Variants in CIT observed in about 807,000 individuals in gnomAD.
CIT encodes the protein citron rho-interacting serine/threonine kinase, also known as citron Rho-interacting kinase.
A neutral mutation model predicts 272.7 loss-of-function variants in CIT; 79 were observed. That is an observed-to-expected ratio of 0.29 (90% CI 0.24 to 0.35). The LOEUF (loss-of-function observed/expected upper bound fraction) is 0.35. Ranked by LOEUF, CIT falls within the 10% of genes least tolerant of loss-of-function variation. CIT has a pLI of 1.00. For missense variants in CIT, 1,909 were observed against 2,618.3 expected (o/e 0.73, Z 5.91); for synonymous variants, 948 against 995.6 (o/e 0.95, Z 0.90).
At chr12:119,852,396 T>C (rs1258514338) in intron 4 of CIT, among the ~76,000 whole-genome samples, 1 of 152,160 alleles carries the variant, frequency 6.6e-6, no homozygotes, top group Non-Finnish European at 1.5e-5. Context: ...CGTGTGATCC[T>C]CAACTCGATC....
At chr12:119,759,088 G>A (rs1290190463) in intron 20 of CIT, among the ~76,000 whole-genome samples, 1 of 152,162 alleles carries the variant, frequency 6.6e-6, no homozygotes, top group African/African-American at 2.4e-5. Context: ...GTCATTTTCT[G>A]AGTGATTCCT....
chr12:119,841,988 T>C (rs1278223179), intron 5 of CIT, among the ~76,000 whole-genome samples: 1 of 152,084 alleles, frequency 6.6e-6, no homozygotes, highest in East Asian at 1.9e-4. Flanking sequence ...AAGGAAGTCA[T>C]TGTAAGGTTA....
At position 119,752,194 on chromosome 12, in the gene CIT, C is replaced by T. The variant is rs140592717; in HGVS notation, c.2760G>A (p.Glu920=). The T allele has an allele frequency of 6.8e-6, 11 of 1,611,422 alleles. No homozygotes were observed. The highest frequency in any genetic ancestry group is 1.7e-5 in the Admixed American group (1 of 59,980). Residue 920 remains glutamate, a synonymous_variant, in exon 23 of 48, where the codon GAG becomes GAA. Transcript: ENST00000392521. ...QKLELKRQLT[E]LQLSLQERES... ...CGCGCTCCTGCAGGGAGAGCTGTAG[C>T]TCTGTGAGCTGGCGCTTGAGCTCCA...
rs745319588 is a variant in CIT at position 119,710,906 on chromosome 12, A to G, written c.4855-286T>C. On this transcript the variant is annotated intron_variant, in intron 37 of 47. Transcript: ENST00000392521. This position sits in a 1 kb window ranked among gnomAD's most constrained non-coding sequence, Gnocchi z 5.6. ...AGTAGACATGGAAAGCTATTCTGTA[A>G]TAAGAAATAAGCTGAAGCTAAGGAG... is the stretch of plus-strand genomic sequence containing the variant. 1.6e-4 allele frequency: 104 copies of G among 660,782 alleles called. No individual in the cohort carries two copies. Among genetic ancestry groups the G allele is most frequent in the Non-Finnish European group, 2.3e-4 (98 of 418,072 alleles). 40.9% of individuals were successfully genotyped at this position (660,782 alleles called of 1,614,324 possible). A position where few individuals can be genotyped will look rare whatever the true frequency, so the allele number is the denominator to read the frequency against.
chr12:119,718,476 T>C lies in CIT; in HGVS notation c.4004-67A>G. ...GCCTAGAGGACCAAACTAAGCCGAA[T>C]GTCCCTGGGCTATCTTTCAAGGACC... On this transcript the variant is annotated intron_variant, in intron 31 of 47. Coordinates refer to ENST00000392521, the MANE Select transcript of CIT (RefSeq NM_001206999.2). The surrounding 1 kb of genome is among the most constrained non-coding windows in gnomAD (Gnocchi z 4.8). The C allele has an allele frequency of 1.9e-6, 3 of 1,541,990 alleles. No homozygotes were observed. Among genetic ancestry groups the C allele is most frequent in the East Asian group, 2.3e-5 (1 of 44,216 alleles).
chr12:119,708,449 C>T (rs1956987448), intron 39 of CIT, 131 bp from the exon 40 acceptor site: 1 of 892,782 alleles, frequency 1.1e-6, no homozygotes, highest in African/African-American at 1.7e-5. Context: ...TTCCACAAAT[C>T]CATATAAACA....
intron 16 of CIT, among the ~76,000 whole-genome samples, chr12:119,774,608 A>G (rs1003437080): frequency 6.6e-6 from 1 of 152,118 alleles, no homozygotes; most frequent in African/African-American, 2.4e-5. Context: ...GCATACTATA[A>G]GTACATGCAA....
At chr12:119,746,968 A>T (rs1959510246) in intron 23 of CIT, among the ~76,000 whole-genome samples, 1 of 152,234 alleles carries the variant, frequency 6.6e-6, no homozygotes, top group African/African-American at 2.4e-5. Flanking sequence ...AAAGACAGCA[A>T]AACGCATAAG....
intron 16 of CIT, 27 bp downstream of exon 16, chr12:119,775,759 G>C (rs1391963309): frequency 1.9e-5 from 30 of 1,596,382 alleles, no homozygotes; most frequent in Non-Finnish European, 2.6e-5. Context: ...TGGGGGGTAA[G>C]TTCCTGAAAA....
chr12:119,855,926 C>T (rs917684391), intron 4 of CIT, among the ~76,000 whole-genome samples: 1 of 152,188 alleles, frequency 6.6e-6, no homozygotes, highest in Non-Finnish European at 1.5e-5. Context: ...ACACCAGATA[C>T]AACAGATGCT....
intron 13 of CIT, among the ~76,000 whole-genome samples, chr12:119,781,499 T>C (rs954226416): frequency 6.6e-6 from 1 of 152,202 alleles, no homozygotes; most frequent in Non-Finnish European, 1.5e-5. Flanking sequence ...TTTTCTGAAG[T>C]GAATGAGAGT....
chr12:119,862,835 AAAAAAGAAAAAACC>A (rs1950391527), intron 3 of CIT, among the ~76,000 whole-genome samples: 3 of 136,908 alleles, frequency 2.2e-5, no homozygotes, highest in African/African-American at 9.1e-5. Flanking sequence ...AAAAAAAAAA[AAAAAAGAAAAAACC>A]AAAAAAAAAA....
At chr12:119,854,139 T>C (rs1049476434) in intron 4 of CIT, among the ~76,000 whole-genome samples, 1 of 151,988 alleles carries the variant, frequency 6.6e-6, no homozygotes, top group African/African-American at 2.4e-5. Context: ...GCAATTCTCC[T>C]GCCTCAGCTC....
At chr12:119,766,766 C>A (rs1047408432) in intron 19 of CIT, among the ~76,000 whole-genome samples, 17 of 150,242 alleles carry the variant, frequency 1.1e-4, no homozygotes, top group African/African-American at 3.9e-4. Context: ...CTACTATGTA[C>A]CCACAAAAAT....
chr12:119,754,176 T>C (rs1005003585), intron 22 of CIT, among the ~76,000 whole-genome samples: 2 of 152,220 alleles, frequency 1.3e-5, no homozygotes, highest in African/African-American at 4.8e-5. Flanking sequence ...ATTACCTCCA[T>C]TTTACAGATA....
In CIT at chr12:119,784,089, G is replaced by A. The variant is rs773207728; in HGVS notation, c.1402-38C>T. ...CATCGACAGGTTAAAAAGGCCCGTG[G>A]AGGTTCATTAGGAGCAATCACATCT... On this transcript the variant is annotated intron_variant, in intron 11 of 47. Coordinates refer to ENST00000392521, the MANE Select transcript of CIT (RefSeq NM_001206999.2). The surrounding 1 kb of genome is among the most constrained non-coding windows in gnomAD (Gnocchi z 4.7). 1 of 1,613,808 alleles carries A rather than the reference G, an allele frequency of 6.2e-7. No individual in the cohort carries two copies. Among genetic ancestry groups the A allele is most frequent in the South Asian group, 1.1e-5 (1 of 91,038 alleles).
rs1955845970 is a variant in CIT, at chr12:119,690,036, G to A, written c.6186+115C>T. The A allele has an allele frequency of 9.8e-7, 1 of 1,021,510 alleles. No individual in the cohort carries two copies. Among genetic ancestry groups the A allele is most frequent in the Admixed American group, 4.1e-5 (1 of 24,340 alleles). The allele number at this position is 1,021,510 out of a possible 1,614,324, so 63.3% of individuals were successfully genotyped here. ...TAAATTCCTGTGTCTCGCAAAGTCT[G>A]AATTACAGTCATGGAGTTCCTTTTT... On this transcript the variant is annotated intron_variant, in intron 47 of 47. Coordinates refer to ENST00000392521, the MANE Select transcript of CIT (RefSeq NM_001206999.2). The surrounding 1 kb of genome is among the most constrained non-coding windows in gnomAD (Gnocchi z 6.0).
At chr12:119,818,219 G>C (rs1967379853) in intron 9 of CIT, among the ~76,000 whole-genome samples, 1 of 151,974 alleles carries the variant, frequency 6.6e-6, no homozygotes, top group African/African-American at 2.4e-5. Flanking sequence ...TGTTTTGAAG[G>C]AGCATAGTGT....
chr12:119,791,744 ATT>A (rs1965329076), intron 10 of CIT, among the ~76,000 whole-genome samples: 1 of 152,070 alleles, frequency 6.6e-6, no homozygotes, highest in Admixed American at 6.6e-5. Flanking sequence ...TCCAGCTTCT[ATT>A]TTCTAGAAAA....
Sources: gnomAD v4.1 joint callset for allele counts (sites outside exome capture counted in the v4.1 genomes callset) on GRCh38, gnomAD v4.1.1 for gene constraint, Gnocchi (gnomAD v3.1) non-coding constraint, MANE v1.5 for transcripts, NCBI Gene and HGNC (gene_info 2026-07-23, HGNC 2026-07-21) for gene names.